The following CA8 variants were observed in gnomAD, a reference collection of about 807,000 sequenced individuals.
The protein encoded by CA8 is carbonic anhydrase 8 (inactive), also known as carbonic anhydrase-related protein.
A neutral mutation model predicts 41.4 loss-of-function variants in CA8; 22 were observed. The ratio of observed to expected loss-of-function variants is 0.53; its 90% CI spans 0.38 to 0.76. CA8 has a LOEUF of 0.76. Among genes scored for constraint, CA8 ranks in the 30% least tolerant of loss-of-function variants. The probability of loss-of-function intolerance (pLI) is 0.00; values close to 1 mark genes in which losing one functional copy is unlikely to be tolerated. For missense variants in CA8, 270 were observed against 352.8 expected (o/e 0.77, Z 1.88); for synonymous variants, 121 against 130.6 (o/e 0.93, Z 0.50).
At chr8:60,204,520 T>G (rs145256849) in intron 8 of CA8, among the ~76,000 whole-genome samples, 139 of 152,346 alleles carry the variant, frequency 9.1e-4, no homozygotes, top group African/African-American at 3.1e-3. Flanking sequence ...CTTTGTTTAG[T>G]AATCTTGAAG....
intron 3 of CA8, among the ~76,000 whole-genome samples, chr8:60,237,083 T>C (rs1006806908): frequency 3.9e-5 from 6 of 152,208 alleles, no homozygotes; most frequent in African/African-American, 1.4e-4. Flanking sequence ...GGCAACCCTG[T>C]GCACTTCTCC....
At chr8:60,198,673 G>A (rs1424556553) in intron 8 of CA8, among the ~76,000 whole-genome samples, 1 of 152,076 alleles carries the variant, frequency 6.6e-6, no homozygotes, top group Non-Finnish European at 1.5e-5. Context: ...CGAGCTTAAT[G>A]TTTTTAGTTC....
At chr8:60,275,089 TC>T (rs1234289302) in intron 2 of CA8, among the ~76,000 whole-genome samples, 1 of 152,054 alleles carries the variant, frequency 6.6e-6, no homozygotes, top group African/African-American at 2.4e-5. Context: ...ACTTGAGCCA[TC>T]CCCAACCCCA....
At chr8:60,246,195 A>G (rs1755852263) in intron 3 of CA8, among the ~76,000 whole-genome samples, 1 of 152,230 alleles carries the variant, frequency 6.6e-6, no homozygotes, top group African/African-American at 2.4e-5. Context: ...CCAGCCATCT[A>G]AAGCATTCTC....
In CA8 at chr8:60,280,579, A is replaced by G. The variant is rs76594938; in HGVS notation, c.100+469T>C. Among the ~76,000 whole-genome samples the G allele has an allele frequency of 1.4e-3, 214 of 152,328 alleles. 2 individuals carry two copies. The highest frequency in any genetic ancestry group is 3.4e-3 in the Middle Eastern group (1 of 294). ...GTCTGAAATTTAGGACATGTTTTAGAAAGACTTGAGCATTGCTAGCAGGCT... is the reference window on the plus strand; with the variant it reads ...GTCTGAAATTTAGGACATGTTTTAGGAAGACTTGAGCATTGCTAGCAGGCT... On this transcript the variant is annotated intron_variant, in intron 1 of 8. Transcript: ENST00000317995.
At chr8:60,195,521 T>A (rs991974021) in intron 8 of CA8, among the ~76,000 whole-genome samples, 16 of 152,184 alleles carry the variant, frequency 1.1e-4, no homozygotes, top group African/African-American at 3.6e-4. Context: ...CAGTGTAACA[T>A]CTCCAAAATA....
At chr8:60,203,962 G>A (rs28481593) in intron 8 of CA8, among the ~76,000 whole-genome samples, 5,298 of 152,160 alleles carry the variant, frequency 0.035, 328 homozygotes, top group African/African-American at 0.12. Context: ...AGTGCTCGAA[G>A]GGCCTTTGTG....
Position 60,226,875 on chromosome 8 carries a change from T to TA in CA8, c.573dup (p.Lys192Ter), listed in dbSNP as rs778671244. 1.9e-6 allele frequency: 3 copies of TA among 1,567,090 alleles called. No homozygotes were observed. The highest frequency in any genetic ancestry group is 2.6e-6 in the Non-Finnish European group (3 of 1,137,434). ...TATTATTTTAAATAATGACTTACCT[T>TA]ATACTGAATATCTTGGAGGATTTCA... On this transcript the variant is annotated frameshift_variant, in exon 5 of 9. Transcript: ENST00000317995. LOFTEE classifies it high-confidence loss of function.
At chr8:60,241,813 T>C (rs558155156) in intron 3 of CA8, among the ~76,000 whole-genome samples, 5 of 152,146 alleles carry the variant, frequency 3.3e-5, no homozygotes, top group African/African-American at 1.2e-4. Context: ...CCCTACTTCA[T>C]TTATTATTTT....
At chr8:60,193,468 G>A (rs1277136320) in intron 8 of CA8, among the ~76,000 whole-genome samples, 1 of 152,014 alleles carries the variant, frequency 6.6e-6, no homozygotes, top group Non-Finnish European at 1.5e-5. Flanking sequence ...CTCCATTTTG[G>A]TGTGGCAATA....
chr8:60,277,700 T>G (rs1035574950), intron 2 of CA8, among the ~76,000 whole-genome samples: 4 of 152,212 alleles, frequency 2.6e-5, no homozygotes, highest in Admixed American at 6.5e-5. Context: ...AGATAAAACA[T>G]TATTTAAATA....
Position 60,253,656 on chromosome 8 carries a change from T to C in CA8, c.417+12269A>G, listed in dbSNP as rs147124248. Among the ~76,000 whole-genome samples, 632 of 152,194 alleles carry C rather than the reference T, an allele frequency of 4.2e-3. 5 individuals carry two copies. Among genetic ancestry groups the C allele is most frequent in the African/African-American group, 0.014 (597 of 41,526 alleles). Reference sequence around the variant, plus strand: ...AGGAAGGAGTTAGGCCCTCCTCAACTTGACTCCAGGACCCTCTGGGGTTAC... The same window carrying C: ...AGGAAGGAGTTAGGCCCTCCTCAACCTGACTCCAGGACCCTCTGGGGTTAC... On this transcript the variant is annotated intron_variant, in intron 3 of 8. Transcript: ENST00000317995.
intron 3 of CA8, among the ~76,000 whole-genome samples, chr8:60,262,758 G>A (rs1803774506): frequency 6.6e-6 from 1 of 152,230 alleles, no homozygotes; most frequent in Non-Finnish European, 1.5e-5. Flanking sequence ...TAAACCTGGA[G>A]TATTCACAAT....
chr8:60,275,982 G>A (rs190582215), intron 2 of CA8, among the ~76,000 whole-genome samples: 2 of 152,098 alleles, frequency 1.3e-5, no homozygotes, highest in African/African-American at 4.8e-5. Context: ...CCAGACTGCC[G>A]CTCCAGGCTA....
At chr8:60,196,547 A>C (rs1806287124) in intron 8 of CA8, among the ~76,000 whole-genome samples, 1 of 152,212 alleles carries the variant, frequency 6.6e-6, no homozygotes, top group South Asian at 2.1e-4. Context: ...CATGACAGAC[A>C]TAAAAAAACT....
chr8:60,276,997 T>A (rs1325244235), intron 2 of CA8, among the ~76,000 whole-genome samples: 2 of 151,750 alleles, frequency 1.3e-5, no homozygotes, highest in Admixed American at 6.6e-5. Context: ...CGGGCGCCTG[T>A]AATCCCAGCT....
intron 3 of CA8, among the ~76,000 whole-genome samples, chr8:60,239,046 T>C (rs1270079505): frequency 6.6e-6 from 1 of 152,082 alleles, no homozygotes; most frequent in Admixed American, 6.5e-5. Flanking sequence ...AGAGGGGAGA[T>C]AACTGGGATT....
Position 60,232,347 on chromosome 8 carries a change from A to C in CA8, c.450T>G (p.Phe150Leu). The C allele has an allele frequency of 1.2e-6, 2 of 1,614,082 alleles. No individual in the cohort carries two copies. Among genetic ancestry groups the C allele is most frequent in the Non-Finnish European group, 1.7e-6 (2 of 1,179,920 alleles). Reference protein sequence around the residue: ...LHLIHWNSTLFGSIDEAVGKP... With the variant: ...LHLIHWNSTLLGSIDEAVGKP... ...TCCCCACAGCCTCATCAATGCTGCC[A>C]AACAGAGTGGAGTTCCAGTGGATCA... is the stretch of plus-strand genomic sequence containing the variant. Residue 150 changes from phenylalanine to leucine, a missense_variant, in exon 4 of 9, where the codon TTT becomes TTG. Physicochemically the swap from Phe to Leu is conservative, Grantham distance 22. This residue lies in a region of CA8 where 141 missense variants were observed against 191.6 expected (regional missense o/e 0.74). Transcript: ENST00000317995.
intron 2 of CA8, among the ~76,000 whole-genome samples, chr8:60,276,805 A>C (rs1289349988): frequency 1.3e-5 from 2 of 152,184 alleles, no homozygotes; most frequent in South Asian, 4.1e-4. Flanking sequence ...GAGTGAAATC[A>C]TAAGAAAGAG....
Sources: gnomAD v4.1 joint callset for allele counts (sites outside exome capture counted in the v4.1 genomes callset) on GRCh38, gnomAD v4.1.1 for gene constraint, gnomAD v4.1.1 regional missense constraint, MANE v1.5 for transcripts, NCBI Gene and HGNC (gene_info 2026-07-23, HGNC 2026-07-21) for gene names.